The following ZFPM2 variants were observed in gnomAD, a reference collection of about 807,000 sequenced individuals.
ZFPM2 encodes zinc finger protein, FOG family member 2, also known as zinc finger protein ZFPM2.
ZFPM2 carries 20 observed loss-of-function variants against 98.6 expected under a neutral mutation model. The ratio of observed to expected loss-of-function variants is 0.20; its 90% CI spans 0.14 to 0.29. The LOEUF (loss-of-function observed/expected upper bound fraction) is 0.29. Ranked by LOEUF, ZFPM2 falls within the 10% of genes least tolerant of loss-of-function variation. The pLI, the probability that ZFPM2 is intolerant of heterozygous loss-of-function variation, is 1.00. For synonymous variants in ZFPM2, 518 were observed against 502.7 expected, an observed-to-expected ratio of 1.03 and a Z score of -0.41; for missense variants, 1,310 against 1,388.6, an observed-to-expected ratio of 0.94 and a Z score of 0.90.
chr8:105,386,512 T>C (rs568058469), intron 1 of ZFPM2, among the ~76,000 whole-genome samples: 3 of 152,242 alleles, frequency 2.0e-5, no homozygotes, highest in Admixed American at 1.3e-4. Context: ...TGTTTGGATG[T>C]GTTCAGCCTT....
intron 4 of ZFPM2, among the ~76,000 whole-genome samples, chr8:105,613,387 T>C (rs1816346846): frequency 6.6e-6 from 1 of 152,006 alleles, no homozygotes; most frequent in South Asian, 2.1e-4. Context: ...AGAGTAAATG[T>C]CAAAATATTA....
At chr8:105,372,036 TTATTATTATTATTTTA>T (rs1810633104) in intron 1 of ZFPM2, among the ~76,000 whole-genome samples, 2 of 146,114 alleles carry the variant, frequency 1.4e-5, no homozygotes, top group Non-Finnish European at 1.5e-5. Flanking sequence ...ATTATTATTA[TTATTATTATTATTTTA>T]TTTTTTTTGA....
In ZFPM2 at chr8:105,393,925, G is replaced by A. The variant is rs542369176; in HGVS notation, c.41-25219G>A. Among the ~76,000 whole-genome samples, 6 of 141,488 alleles carry A rather than the reference G, an allele frequency of 4.2e-5. No homozygotes were observed. The East Asian group carries it at 8.2e-4, about 19-fold the overall frequency. The allele number at this position is 141,488 out of a possible 152,430, so 92.8% of individuals were successfully genotyped here. ...TTTTTTTTTTTTGAGATGGAGTCTCGCTCTGTCACCCAGGCTGGTGTGCAG... is the reference window on the plus strand; with the variant it reads ...TTTTTTTTTTTTGAGATGGAGTCTCACTCTGTCACCCAGGCTGGTGTGCAG... On this transcript the variant is annotated intron_variant, in intron 1 of 7. Transcript: ENST00000407775.
chr8:105,529,802 C>T (rs1381151079), intron 3 of ZFPM2, among the ~76,000 whole-genome samples: 2 of 151,958 alleles, frequency 1.3e-5, no homozygotes, highest in Non-Finnish European at 2.9e-5. Context: ...GTGATCTCAG[C>T]TCACTGCAAC....
chr8:105,481,511 G>A (rs1359570696), intron 3 of ZFPM2, among the ~76,000 whole-genome samples: 1 of 151,934 alleles, frequency 6.6e-6, no homozygotes, highest in Non-Finnish European at 1.5e-5. Context: ...TAATCCTATT[G>A]GATTAGGCTC....
intron 3 of ZFPM2, among the ~76,000 whole-genome samples, chr8:105,483,589 C>CAA (rs528417557): frequency 9.2e-5 from 10 of 109,106 alleles, no homozygotes; most frequent in African/African-American, 3.0e-4. Context: ...GAGTCCATCT[C>CAA]AAAAAAAAAA....
At position 105,318,464 on chromosome 8, in the gene ZFPM2, G is replaced by C. The variant is rs1337768915; in HGVS notation, c.-478G>C. Among the ~76,000 whole-genome samples, 3 of 150,874 alleles carry C rather than the reference G, an allele frequency of 2.0e-5. No individual in the cohort carries two copies. Among genetic ancestry groups the C allele is most frequent in the East Asian group, 2.0e-4 (1 of 5,022 alleles). On this transcript the variant is annotated 5_prime_UTR_variant, in exon 1 of 8. Transcript: ENST00000407775. ...GAACAGGAGCTGCGCGGCCCGGAGC[G>C]GCGGCGGCGGCGCCGGAGTATCCGT...
At position 105,380,736 on chromosome 8, in the gene ZFPM2, T is replaced by A. The variant is rs867458111; in HGVS notation, c.41-38408T>A. 2.6e-4 allele frequency among the ~76,000 whole-genome samples: 11 copies of A among 41,928 alleles called. 1 individual carries two copies. Among genetic ancestry groups the A allele is most frequent in the Admixed American group, 4.6e-4 (1 of 2,192 alleles). 27.5% of individuals were successfully genotyped at this position (41,928 alleles called of 152,430 possible). On this transcript the variant is annotated intron_variant, in intron 1 of 7. Transcript: ENST00000407775. ...ATATATATTATATATAACATATATA[T>A]TATATATATATGTTATATATAACAT... is the stretch of plus-strand genomic sequence containing the variant.
intron 3 of ZFPM2, among the ~76,000 whole-genome samples, chr8:105,509,734 A>AT (rs763527306): frequency 1.3e-4 from 19 of 151,826 alleles, no homozygotes; most frequent in African/African-American, 2.7e-4. Flanking sequence ...ACTTTTTATC[A>AT]TTTTTTTAAC....
chr8:105,624,265 C>T (rs1816609522), intron 4 of ZFPM2, among the ~76,000 whole-genome samples: 1 of 152,324 alleles, frequency 6.6e-6, no homozygotes, highest in East Asian at 1.9e-4. Context: ...AGCACTGACA[C>T]ACTTTTTGCA....
At chr8:105,360,371 A>G (rs1812832986) in intron 1 of ZFPM2, among the ~76,000 whole-genome samples, 1 of 152,222 alleles carries the variant, frequency 6.6e-6, no homozygotes, top group Non-Finnish European at 1.5e-5. Flanking sequence ...AAATAAATAC[A>G]TGATTGAGGA....
chr8:105,322,644 G>A (rs1812049267), intron 1 of ZFPM2, among the ~76,000 whole-genome samples: 1 of 152,082 alleles, frequency 6.6e-6, no homozygotes, highest in South Asian at 2.1e-4. Flanking sequence ...GTGCATAAAT[G>A]TTTGGTCTAG....
At chr8:105,601,028 C>T (rs889679721) in intron 4 of ZFPM2, among the ~76,000 whole-genome samples, 2 of 152,104 alleles carry the variant, frequency 1.3e-5, no homozygotes, top group Non-Finnish European at 2.9e-5. Context: ...AACAGTCTAA[C>T]AGAGTTCAGT....
chr8:105,431,491 A>G (rs1812020104), intron 2 of ZFPM2, among the ~76,000 whole-genome samples: 1 of 152,190 alleles, frequency 6.6e-6, no homozygotes, highest in Non-Finnish European at 1.5e-5. Flanking sequence ...ATGGTAAGTA[A>G]ACACAGGGAA....
At chr8:105,590,991 A>T (rs139299337) in intron 4 of ZFPM2, among the ~76,000 whole-genome samples, 23 of 152,354 alleles carry the variant, frequency 1.5e-4, no homozygotes, top group African/African-American at 5.5e-4. Flanking sequence ...ATAAGTATTT[A>T]TCAGTTGTGG....
At chr8:105,648,198 G>C (rs28851211) in intron 5 of ZFPM2, among the ~76,000 whole-genome samples, 2 of 151,846 alleles carry the variant, frequency 1.3e-5, no homozygotes, top group Non-Finnish European at 2.9e-5. Context: ...GTCTGTTCAT[G>C]TCCTTTGCCC....
chr8:105,481,544 T>A (rs1813118008), intron 3 of ZFPM2, among the ~76,000 whole-genome samples: 1 of 152,134 alleles, frequency 6.6e-6, no homozygotes, highest in Admixed American at 6.5e-5. Flanking sequence ...GCTAATAATC[T>A]AACCATAATT....
At chr8:105,339,857 G>C (rs1308684094) in intron 1 of ZFPM2, among the ~76,000 whole-genome samples, 1 of 151,826 alleles carries the variant, frequency 6.6e-6, no homozygotes, top group Non-Finnish European at 1.5e-5. Context: ...CTTACTTTGA[G>C]CTTTAAAGCA....
At chr8:105,527,464 G>A (rs929340830) in intron 3 of ZFPM2, among the ~76,000 whole-genome samples, 2 of 152,208 alleles carry the variant, frequency 1.3e-5, no homozygotes, top group African/African-American at 4.8e-5. Context: ...TGGATATAGA[G>A]AAAAGAGCAG....
Sources: gnomAD v4.1 joint callset for allele counts (sites outside exome capture counted in the v4.1 genomes callset) on GRCh38, gnomAD v4.1.1 for gene constraint, MANE v1.5 for transcripts, NCBI Gene and HGNC (gene_info 2026-07-23, HGNC 2026-07-21) for gene names.